APOOL: variants seen among roughly 807,000 people sequenced by gnomAD.
APOOL encodes MICOS complex subunit MIC27.
Under a neutral mutation model 23.1 loss-of-function variants are expected in APOOL, and 12 were observed. The observed-to-expected ratio is 0.52, with a 90% CI of 0.33 to 0.84. The LOEUF is 0.84. Among genes scored for constraint, APOOL ranks in the 40% least tolerant of loss-of-function variants. APOOL has a pLI of 0.02. For missense variants in APOOL, 212 were observed against 199.6 expected (o/e 1.06, Z -0.37); for synonymous variants, 77 against 69.9 (o/e 1.10, Z -0.51).
intron 1 of APOOL, among the ~76,000 whole-genome samples, chrX:85,029,711 C>T (rs1921966391): frequency 9.0e-6 from 1 of 111,375 alleles, no homozygotes; most frequent in African/African-American, 3.3e-5. Context: ...GGGCAAAGAA[C>T]ATAAATAGAC....
At chrX:85,028,984 C>A (rs1273773533) in intron 1 of APOOL, among the ~76,000 whole-genome samples, 3 of 111,472 alleles carry the variant, frequency 2.7e-5, no homozygotes, top group Non-Finnish European at 5.7e-5. Flanking sequence ...GTGAACATTG[C>A]TGCAACAAAC....
intron 8 of APOOL, among the ~76,000 whole-genome samples, chrX:85,087,312 G>A (rs1333659327): frequency 1.8e-5 from 2 of 110,721 alleles, no homozygotes; most frequent in Admixed American, 9.7e-5. Flanking sequence ...TTCAGTTCTC[G>A]GCTCATGTAT....
At chrX:85,054,319 C>T in intron 3 of APOOL, 25 bp from the exon 4 acceptor site, 1 of 1,169,095 alleles carries the variant, frequency 8.6e-7, no homozygotes, top group East Asian at 3.1e-5. Flanking sequence ...ATGCAGATGT[C>T]TTCCCCCCCT....
intron 3 of APOOL, 60 bp from the exon 4 acceptor site, chrX:85,054,284 T>C: frequency 9.6e-7 from 1 of 1,037,498 alleles, no homozygotes; most frequent in South Asian, 2.2e-5. Context: ...CAGGCAATTT[T>C]ATCTCATTAT....
rs199674109 is a variant in APOOL at position 85,003,908 on chromosome X, T to C, written c.-5T>C. On this transcript the variant is annotated 5_prime_UTR_variant, in exon 1 of 9. Coordinates refer to ENST00000373173, the MANE Select transcript of APOOL (RefSeq NM_198450.6). Reference sequence around the variant, plus strand: ...CTGAAAACCTTGGCCGAAAGGGTTGTAGACATGGCGGCCATCAGGGTAAGC... The same window carrying C: ...CTGAAAACCTTGGCCGAAAGGGTTGCAGACATGGCGGCCATCAGGGTAAGC... The C allele has an allele frequency of 1.7e-6, 2 of 1,210,012 alleles. No homozygotes were observed. Among genetic ancestry groups the C allele is most frequent in the Non-Finnish European group, 2.2e-6 (2 of 895,150 alleles).
intron 3 of APOOL, among the ~76,000 whole-genome samples, chrX:85,053,181 A>G (rs1477494999): frequency 9.0e-6 from 1 of 111,635 alleles, no homozygotes; most frequent in Non-Finnish European, 1.9e-5. Flanking sequence ...TGTGGTAAAA[A>G]TGAATTCCTT....
intron 1 of APOOL, among the ~76,000 whole-genome samples, chrX:85,005,925 A>T (rs1237934280): frequency 1.8e-5 from 2 of 112,075 alleles, no homozygotes; most frequent in African/African-American, 6.5e-5. Context: ...GTTTTCATTG[A>T]GAAGAAGAGA....
At chrX:85,004,040 G>T in intron 1 of APOOL, 113 bp downstream of exon 1, 6 of 993,654 alleles carry the variant, frequency 6.0e-6, no homozygotes, top group Non-Finnish European at 1.4e-6. Flanking sequence ...CAGGGTGGAG[G>T]TGGGTTTTGA....
intron 8 of APOOL, among the ~76,000 whole-genome samples, chrX:85,078,573 G>GC (rs1411722444): frequency 9.0e-6 from 1 of 111,232 alleles, no homozygotes; most frequent in Non-Finnish European, 1.9e-5. Context: ...GGCGATGCGG[G>GC]CTCTTTTTTG....
chrX:85,027,377 T>C (rs1185490109), intron 1 of APOOL, among the ~76,000 whole-genome samples: 1 of 111,308 alleles, frequency 9.0e-6, no homozygotes, highest in Non-Finnish European at 1.9e-5. Flanking sequence ...AACATGTGAT[T>C]TGGGAAGGGA....
intron 5 of APOOL, among the ~76,000 whole-genome samples, chrX:85,065,390 A>ATT (rs1009277390): frequency 1.8e-5 from 2 of 111,406 alleles, no homozygotes; most frequent in African/African-American, 6.5e-5. Context: ...TAAGGTTAAT[A>ATT]TTGTTATGTG....
chrX:85,092,396 C>T lies in APOOL; in HGVS notation c.*4718C>T, dbSNP rs746987868. On this transcript the variant is annotated 3_prime_UTR_variant, in exon 9 of 9. Coordinates refer to ENST00000373173, the MANE Select transcript of APOOL (RefSeq NM_198450.6). ...GAGTTGTTACAAAGCCTCTTTCATT[C>T]TTCCCATGCCATGTCCAGGAGTTCT... The T allele has an allele frequency of 4.3e-6, 5 of 1,164,808 alleles. No individual in the cohort carries two copies. Among genetic ancestry groups the T allele is most frequent in the Non-Finnish European group, 5.7e-6 (5 of 872,809 alleles).
intron 1 of APOOL, among the ~76,000 whole-genome samples, chrX:85,029,485 T>C (rs903506784): frequency 1.8e-5 from 2 of 111,851 alleles, no homozygotes; most frequent in African/African-American, 3.2e-5. Context: ...TTCTTTTTTT[T>C]CCCAGTACCT....
chrX:85,027,936 A>G (rs1417483503), intron 1 of APOOL, among the ~76,000 whole-genome samples: 2 of 112,215 alleles, frequency 1.8e-5, no homozygotes, highest in South Asian at 3.7e-4. Flanking sequence ...TGTTGCAAAT[A>G]AAGCTGCTAC....
Position 85,006,343 on chromosome X carries a change from A to G in APOOL, c.15+2416A>G, listed in dbSNP as rs769818220. ...ATATATCCATTTTACAGATGGAAAA[A>G]CGGAGGCTTAGAAAAACTGCTTGCT... On this transcript the variant is annotated intron_variant, in intron 1 of 8. Coordinates refer to ENST00000373173, the MANE Select transcript of APOOL (RefSeq NM_198450.6). 4.5e-3 allele frequency among the ~76,000 whole-genome samples: 495 copies of G among 111,030 alleles called. 5 individuals carry two copies. The highest frequency in any genetic ancestry group is 9.9e-3 in the East Asian group (35 of 3,543).
Position 85,093,315 on chromosome X carries a change from G to T in APOOL, c.*5637G>T, listed in dbSNP as rs1924585867. On this transcript the variant is annotated 3_prime_UTR_variant, in exon 9 of 9. Coordinates refer to ENST00000373173, the MANE Select transcript of APOOL (RefSeq NM_198450.6). ...TAAAATAAATAATATCTAAAACTCT[G>T]TATCTGTTTTTTGTATATTATTAAT... 1 of 894,519 alleles carries T rather than the reference G, an allele frequency of 1.1e-6. No individual in the cohort carries two copies. The allele number at this position is 894,519 out of a possible 1,213,427, so 73.7% of individuals were successfully genotyped here.
At chrX:85,059,707 C>T (rs1357801027) in intron 5 of APOOL, among the ~76,000 whole-genome samples, 3 of 110,010 alleles carry the variant, frequency 2.7e-5, no homozygotes, top group Non-Finnish European at 3.8e-5. Context: ...TATCCTTTGC[C>T]CACTTTTTGA....
At chrX:85,031,236 C>T (rs902499749) in intron 1 of APOOL, among the ~76,000 whole-genome samples, 1 of 111,553 alleles carries the variant, frequency 9.0e-6, no homozygotes, top group Admixed American at 9.6e-5. Flanking sequence ...TAGTTGTTTG[C>T]CTCCACAAAT....
chrX:85,051,164 T>A (rs1334385047), intron 2 of APOOL, among the ~76,000 whole-genome samples: 1 of 111,476 alleles, frequency 9.0e-6, no homozygotes, highest in Non-Finnish European at 1.9e-5. Context: ...GTAGAACCAT[T>A]GGATTATATT....
Sources: gnomAD v4.1 joint callset for allele counts (sites outside exome capture counted in the v4.1 genomes callset) on GRCh38, gnomAD v4.1.1 for gene constraint, MANE v1.5 for transcripts, NCBI Gene and HGNC (gene_info 2026-07-23, HGNC 2026-07-21) for gene names.